Variants in ELL observed in about 807,000 individuals in gnomAD.
ELL encodes the protein RNA polymerase II elongation factor ELL.
In ELL, 18 loss-of-function variants were observed where a neutral mutation model predicts 64.0. The ratio of observed to expected loss-of-function variants is 0.28; its 90% CI spans 0.19 to 0.42. The LOEUF is 0.42. Ranked by LOEUF, ELL falls within the 10% of genes least tolerant of loss-of-function variation. ELL has a pLI of 1.00. For missense variants in ELL, 797 were observed against 870.4 expected (o/e 0.92, Z 1.06); for synonymous variants, 399 against 376.2 (o/e 1.06, Z -0.70).
intron 6 of ELL, among the ~76,000 whole-genome samples, chr19:18,454,907 G>A (rs1974625304): frequency 6.7e-6 from 1 of 149,778 alleles, no homozygotes; most frequent in African/African-American, 2.5e-5. Flanking sequence ...CCAGCACTTT[G>A]GAAGGCTGAG....
At chr19:18,456,398 C>T (rs947954795) in intron 6 of ELL, among the ~76,000 whole-genome samples, 3 of 152,058 alleles carry the variant, frequency 2.0e-5, no homozygotes, top group African/African-American at 7.2e-5. Context: ...TGTGATCAAC[C>T]GCCGGCTCAG....
chr19:18,452,814 CA>C (rs1460401630), intron 6 of ELL, among the ~76,000 whole-genome samples: 1 of 152,224 alleles, frequency 6.6e-6, no homozygotes, highest in Non-Finnish European at 1.5e-5. Context: ...GAAGAAGAAA[CA>C]GGGCCCAGGA....
chr19:18,497,279 A>G lies in ELL; in HGVS notation c.136-24397T>C, dbSNP rs571276080. The stretch of plus-strand genomic sequence containing the variant: ...AAATCAGCCAGTCTAGAAAGGCTGC[A>G]CACTGCACAGTTCCAACTACAGAAC... On this transcript the variant is annotated intron_variant, in intron 1 of 11. Coordinates refer to ENST00000262809, the MANE Select transcript of ELL (RefSeq NM_006532.4). Among the ~76,000 whole-genome samples the G allele has an allele frequency of 4.6e-5, 7 of 152,364 alleles. No homozygotes were observed. In the South Asian group the frequency reaches 1.4e-3, roughly 32 times the overall value.
chr19:18,508,685 T>C (rs1039585770), intron 1 of ELL, among the ~76,000 whole-genome samples: 2 of 152,232 alleles, frequency 1.3e-5, no homozygotes, highest in East Asian at 1.9e-4. Context: ...GCTTCTTTTA[T>C]GAAGGGCCAA....
intron 1 of ELL, among the ~76,000 whole-genome samples, chr19:18,520,867 C>T (rs904841910): frequency 6.6e-6 from 1 of 152,026 alleles, no homozygotes; most frequent in Non-Finnish European, 1.5e-5. Context: ...AAACCACTTC[C>T]CCTCGGGACC....
chr19:18,472,738 C>A, intron 2 of ELL, 97 bp downstream of exon 2: 1 of 1,446,348 alleles, frequency 6.9e-7, no homozygotes. Context: ...GGCCCAAACA[C>A]TGCCATGAGC....
At chr19:18,511,873 A>AAT (rs1283531569) in intron 1 of ELL, among the ~76,000 whole-genome samples, 4 of 150,982 alleles carry the variant, frequency 2.6e-5, no homozygotes, top group Non-Finnish European at 3.0e-5. Flanking sequence ...AAAAAAAAAA[A>AAT]GGGCCGGGCA....
intron 6 of ELL, among the ~76,000 whole-genome samples, chr19:18,453,573 A>G (rs115304961): frequency 0.012 from 1,806 of 152,256 alleles, 39 homozygotes; most frequent in African/African-American, 0.041. Context: ...GACTGGAATA[A>G]AAAAAACAGA....
At chr19:18,498,255 C>T (rs1490747455) in intron 1 of ELL, among the ~76,000 whole-genome samples, 4 of 152,098 alleles carry the variant, frequency 2.6e-5, no homozygotes, top group Non-Finnish European at 5.9e-5. Context: ...TATAGGAACT[C>T]TACCTTCCAC....
At chr19:18,495,213 G>A (rs981934679) in intron 1 of ELL, among the ~76,000 whole-genome samples, 1 of 152,180 alleles carries the variant, frequency 6.6e-6, no homozygotes, top group Non-Finnish European at 1.5e-5. Context: ...AGTGCAGGAG[G>A]CGAGCTGACC....
At chr19:18,483,015 A>C (rs2144944363) in intron 1 of ELL, among the ~76,000 whole-genome samples, 1 of 152,142 alleles carries the variant, frequency 6.6e-6, no homozygotes, top group South Asian at 2.1e-4. Flanking sequence ...TCCTGGGCTC[A>C]AGCGATCCTC....
chr19:18,450,922 C>A lies in ELL; in HGVS notation c.1020G>T (p.Arg340=). The A allele has an allele frequency of 6.5e-7, 1 of 1,542,272 alleles. No homozygotes were observed. Among genetic ancestry groups the A allele is most frequent in the South Asian group, 1.2e-5 (1 of 81,688 alleles). ...GAGCTCTCTGAGTGAAGTGCGATAT[C>A]CGGGGTTTCTTGTTGGCTAGGGGGT... is the stretch of plus-strand genomic sequence containing the variant. ...FIDPLANKKP[R]ISHFTQRAQP... is the part of the protein sequence containing the mutation. The change falls in exon 8 of 12, where the codon CGG becomes CGT. Residue 340 remains arginine, a synonymous_variant. Transcript: ENST00000262809.
In ELL at chr19:18,444,385, A is replaced by T. The variant is rs1974364549; in HGVS notation, c.*367T>A. The T allele has an allele frequency of 3.8e-6, 1 of 264,228 alleles. No individual in the cohort carries two copies. Among genetic ancestry groups the T allele is most frequent in the Non-Finnish European group, 7.3e-6 (1 of 137,752 alleles). The allele number at this position is 264,228 out of a possible 1,614,324, so 16.4% of individuals were successfully genotyped here. ...TTCTCTTTTGTACAAAAATAGACTC[A>T]AGTCTCATTAGCAGTAGCTAAAAGT... On this transcript the variant is annotated 3_prime_UTR_variant, in exon 12 of 12. Coordinates refer to ENST00000262809, the MANE Select transcript of ELL (RefSeq NM_006532.4).
Position 18,444,452 on chromosome 19 carries a change from C to G in ELL, c.*300G>C, listed in dbSNP as rs1411883143. 5.8e-6 allele frequency: 2 copies of G among 345,074 alleles called. No homozygotes were observed. The highest frequency in any genetic ancestry group is 4.2e-5 in the African/African-American group (2 of 47,996). The allele number at this position is 345,074 out of a possible 1,614,324, so 21.4% of individuals were successfully genotyped here. A position where few individuals can be genotyped will look rare whatever the true frequency, so the allele number is the denominator to read the frequency against. On this transcript the variant is annotated 3_prime_UTR_variant, in exon 12 of 12. Coordinates refer to ENST00000262809, the MANE Select transcript of ELL (RefSeq NM_006532.4). ...AACTAGAAAAGGCAGGCGCGCCACC[C>G]CAAGGGCCTAGGAGTCTTCTGGCGA...
chr19:18,494,132 T>C (rs10403249), intron 1 of ELL, among the ~76,000 whole-genome samples: 70,387 of 151,814 alleles, frequency 0.46, 18,760 homozygotes, highest in African/African-American at 0.75. Context: ...GAGACTGAGG[T>C]AGGAGGATCG....
chr19:18,510,277 C>T (rs1301407253), intron 1 of ELL, among the ~76,000 whole-genome samples: 1 of 152,172 alleles, frequency 6.6e-6, no homozygotes, highest in Non-Finnish European at 1.5e-5. Flanking sequence ...GGCTGAGGCA[C>T]GAGAATTGCT....
intron 1 of ELL, among the ~76,000 whole-genome samples, chr19:18,489,920 C>T (rs1452915418): frequency 1.3e-5 from 2 of 152,112 alleles, no homozygotes; most frequent in African/African-American, 4.8e-5. Flanking sequence ...AGCACTAGGA[C>T]AACAGAATAA....
At chr19:18,471,344 C>A in intron 2 of ELL, 1 of 446,664 alleles carries the variant, frequency 2.2e-6, no homozygotes, top group Non-Finnish European at 4.5e-6. Context: ...CACTGCACTC[C>A]AGCCTCGGCA....
At chr19:18,480,770 A>C (rs1975283083) in intron 1 of ELL, among the ~76,000 whole-genome samples, 1 of 152,016 alleles carries the variant, frequency 6.6e-6, no homozygotes. Flanking sequence ...AGTAGCTGGG[A>C]CCACAGGCAC....
Sources: allele counts gnomAD v4.1 joint callset (sites outside exome capture counted in the v4.1 genomes callset), GRCh38; gene constraint gnomAD v4.1.1; transcripts MANE v1.5; gene names NCBI Gene and HGNC (gene_info 2026-07-23, HGNC 2026-07-21).